Variants in UGT2A1 observed in about 807,000 individuals in gnomAD.
UGT2A1 encodes UDP glucuronosyltransferase family 2 member A1 complex locus.
UGT2A1 carries 61 observed loss-of-function variants against 45.4 expected under a neutral mutation model. That is an observed-to-expected ratio of 1.34 (90% confidence interval 1.09 to 1.66). The LOEUF (loss-of-function observed/expected upper bound fraction) is 1.66. UGT2A1 is among the 40% of genes most tolerant of loss of function. The pLI is 0.00. For missense variants in UGT2A1, 649 were observed against 574.3 expected (o/e 1.13, Z -1.33); for synonymous variants, 229 against 196.2 (o/e 1.17, Z -1.40).
At chr4:69,620,563 T>C (rs1321645528) in intron 3 of UGT2A1, among the ~76,000 whole-genome samples, 2 of 151,554 alleles carry the variant, frequency 1.3e-5, no homozygotes, top group Non-Finnish European at 2.9e-5. Context: ...TTCAAAGCAA[T>C]TTAGAGATTC....
intron 1 of UGT2A1, among the ~76,000 whole-genome samples, chr4:69,649,294 A>T (rs905258479): frequency 1.3e-5 from 2 of 152,050 alleles, no homozygotes; most frequent in African/African-American, 4.8e-5. Context: ...CCTTGAGTGT[A>T]TTTCCATTGA....
chr4:69,646,641 T>C (rs533596302), intron 2 of UGT2A1, among the ~76,000 whole-genome samples: 2 of 151,968 alleles, frequency 1.3e-5, no homozygotes, highest in Admixed American at 6.6e-5. Context: ...ATTTTGAGCA[T>C]AATTATCTAC....
At chr4:69,593,069 C>T (rs979692318) in intron 6 of UGT2A1, among the ~76,000 whole-genome samples, 2 of 151,984 alleles carry the variant, frequency 1.3e-5, no homozygotes, top group Admixed American at 1.3e-4. Flanking sequence ...TTCCACAGGT[C>T]TGAAGGAAAG....
chr4:69,609,444 C>G (rs1296865865), intron 3 of UGT2A1, among the ~76,000 whole-genome samples: 1 of 151,928 alleles, frequency 6.6e-6, no homozygotes, highest in Non-Finnish European at 1.5e-5. Flanking sequence ...AAGTGATATA[C>G]CTTGGCCTCC....
intron 2 of UGT2A1, among the ~76,000 whole-genome samples, chr4:69,646,090 TAATA>T (rs753547996): frequency 3.3e-5 from 5 of 151,890 alleles, no homozygotes; most frequent in Non-Finnish European, 5.9e-5. Flanking sequence ...ATAATTCACA[TAATA>T]AATATTCCTT....
chr4:69,646,846 A>T, intron 2 of UGT2A1, 84 bp downstream of exon 2: 1 of 953,596 alleles, frequency 1.0e-6, no homozygotes, highest in Non-Finnish European at 1.5e-6. Context: ...ATTAAAAAAG[A>T]ATAGACATAG....
chr4:69,615,118 A>G lies in UGT2A1; in HGVS notation c.848-15724T>C, dbSNP rs544925510. On this transcript the variant is annotated intron_variant, in intron 3 of 6. Transcript: ENST00000286604. ...CCCTCCCCCAACATTTTGAATTACA[A>G]TTCAACATGAGATTTGGATGAGGAC... 2.0e-5 allele frequency among the ~76,000 whole-genome samples: 3 copies of G among 152,158 alleles called. No homozygotes were observed. The South Asian group carries it at 6.2e-4, about 32-fold the overall frequency.
intron 3 of UGT2A1, among the ~76,000 whole-genome samples, chr4:69,609,686 AC>A: frequency 1.8e-5 from 1 of 55,682 alleles, no homozygotes; most frequent in Non-Finnish European, 3.9e-5. Flanking sequence ...CTATACCCAC[AC>A]CTATACCTAT....
In UGT2A1 at chr4:69,622,473, A is replaced by G. The variant is rs560773803; in HGVS notation, c.847+13218T>C. 7.9e-5 allele frequency among the ~76,000 whole-genome samples: 12 copies of G among 151,950 alleles called. No individual in the cohort carries two copies. The South Asian group carries it at 2.5e-3, about 32-fold the overall frequency. On this transcript the variant is annotated intron_variant, in intron 3 of 6. Transcript: ENST00000286604. ...GAACTGTATTTTTATGTGTAAGAAA[A>G]CCAATTACAAACTCACTAAATAAAT...
At chr4:69,623,387 G>A (rs1442896020) in intron 3 of UGT2A1, among the ~76,000 whole-genome samples, 3 of 151,752 alleles carry the variant, frequency 2.0e-5, no homozygotes, top group East Asian at 1.9e-4. Context: ...GAATCATCTC[G>A]AAGTAACACC....
intron 2 of UGT2A1, among the ~76,000 whole-genome samples, chr4:69,644,516 C>T (rs967546726): frequency 1.3e-5 from 2 of 151,634 alleles, no homozygotes; most frequent in Non-Finnish European, 3.0e-5. Context: ...GAGATTTTGC[C>T]ATCTTGACAG....
chr4:69,600,796 G>T (rs999253722), intron 3 of UGT2A1, among the ~76,000 whole-genome samples: 1 of 140,596 alleles, frequency 7.1e-6, no homozygotes, highest in Non-Finnish European at 1.5e-5. Flanking sequence ...TGAGGGCAAA[G>T]GTGCTATACA....
chr4:69,651,273 C>G (rs751614087), intron 1 of UGT2A1, among the ~76,000 whole-genome samples: 1 of 152,164 alleles, frequency 6.6e-6, no homozygotes, highest in Non-Finnish European at 1.5e-5. Flanking sequence ...TGTAATTACT[C>G]TGATCTTAAA....
At chr4:69,616,833 CTTTTT>C (rs4148315) in intron 3 of UGT2A1, among the ~76,000 whole-genome samples, 2 of 127,298 alleles carry the variant, frequency 1.6e-5, no homozygotes, top group Non-Finnish European at 3.3e-5. Flanking sequence ...ATTTTCTTTT[CTTTTT>C]TTTTTTTTTT....
Position 69,594,603 on chromosome 4 carries a change from A to T in UGT2A1, c.1178T>A (p.Met393Lys). ...YHGVPMVGVP[M>K]FADQPDNIAH... ...AATGTTATCAGGCTGATCAGCAAAC[A>T]TGGGAACTCCCACCATAGGGACTCC... The change falls in exon 6 of 7, where the codon ATG becomes AAG. Residue 393 changes from methionine (M) to lysine (K), a missense_variant. Transcript: ENST00000286604. 6.2e-7 allele frequency: 1 copy of T among 1,614,148 alleles called. No individual in the cohort carries two copies. The highest frequency in any genetic ancestry group is 8.5e-7 in the Non-Finnish European group (1 of 1,180,034).
chr4:69,640,456 A>G (rs1421752276), intron 2 of UGT2A1, among the ~76,000 whole-genome samples: 2 of 151,972 alleles, frequency 1.3e-5, no homozygotes, highest in African/African-American at 4.8e-5. Flanking sequence ...CAGCTACAGA[A>G]TGACTGGCTA....
chr4:69,607,169 T>C (rs1026738253), intron 3 of UGT2A1, among the ~76,000 whole-genome samples: 3 of 132,274 alleles, frequency 2.3e-5, no homozygotes, highest in African/African-American at 8.6e-5. Context: ...CTTCAAACTA[T>C]ACTGCAAGGC....
intron 3 of UGT2A1, among the ~76,000 whole-genome samples, chr4:69,623,103 C>T (rs1720844643): frequency 6.6e-6 from 1 of 151,818 alleles, no homozygotes; most frequent in Non-Finnish European, 1.5e-5. Flanking sequence ...CTACATAATT[C>T]TTACAATTAT....
intron 3 of UGT2A1, among the ~76,000 whole-genome samples, chr4:69,630,990 C>A (rs969952106): frequency 6.6e-6 from 1 of 152,106 alleles, no homozygotes; most frequent in Non-Finnish European, 1.5e-5. Context: ...TGAATGTGAT[C>A]TCTGTGATAG....
Sources: allele counts gnomAD v4.1 joint callset (sites outside exome capture counted in the v4.1 genomes callset), GRCh38; gene constraint gnomAD v4.1.1; transcripts MANE v1.5; gene names NCBI Gene and HGNC (gene_info 2026-07-23, HGNC 2026-07-21).